The following HS6ST2 variants were observed in gnomAD, a reference collection of about 807,000 sequenced individuals.
HS6ST2 encodes heparan-sulfate 6-O-sulfotransferase 2.
A neutral mutation model predicts 33.0 loss-of-function variants in HS6ST2; 17 were observed. The observed-to-expected ratio is 0.52, with a 90% confidence interval of 0.35 to 0.77. The LOEUF is 0.77. Ranked by LOEUF, HS6ST2 falls within the 30% of genes least tolerant of loss-of-function variation. The probability of loss-of-function intolerance (pLI) is 0.01; values close to 1 mark genes in which losing one functional copy is unlikely to be tolerated. For missense variants in HS6ST2, 519 were observed against 551.7 expected, an observed-to-expected ratio of 0.94 and a Z score of 0.59; for synonymous variants, 248 against 237.1, an observed-to-expected ratio of 1.05 and a Z score of -0.42.
At chrX:132,787,174 TATATATATATATAC>T (rs1569490879) in intron 2 of HS6ST2, among the ~76,000 whole-genome samples, 9 of 81,845 alleles carry the variant, frequency 1.1e-4, no homozygotes, top group East Asian at 3.7e-4. Flanking sequence ...TATGTATATA[TATATATATATATAC>T]ATATATATAT....
chrX:132,896,712 T>C (rs2066380118), intron 2 of HS6ST2, among the ~76,000 whole-genome samples: 1 of 111,558 alleles, frequency 9.0e-6, no homozygotes, highest in Non-Finnish European at 1.9e-5. Flanking sequence ...ATCTACTATG[T>C]ACCCACAAAA....
chrX:132,923,062 CA>C (rs34136355), intron 2 of HS6ST2, among the ~76,000 whole-genome samples: 1,343 of 47,557 alleles, frequency 0.028, 14 homozygotes, highest in East Asian at 0.14. Context: ...GACTCTGTCT[CA>C]AAAAAAAAAA....
At chrX:132,686,397 C>A (rs1217427747) in intron 3 of HS6ST2, among the ~76,000 whole-genome samples, 1 of 112,046 alleles carries the variant, frequency 8.9e-6, no homozygotes, top group Non-Finnish European at 1.9e-5. Context: ...TTTTTCATCT[C>A]TGCTTGGGTT....
intron 2 of HS6ST2, among the ~76,000 whole-genome samples, chrX:132,790,330 T>C (rs1444786592): frequency 1.8e-5 from 2 of 112,037 alleles, no homozygotes; most frequent in East Asian, 5.6e-4. Context: ...AGCAGTAAAC[T>C]CTTTTTAAAT....
intron 3 of HS6ST2, among the ~76,000 whole-genome samples, chrX:132,691,875 C>G (rs2064067387): frequency 9.0e-6 from 1 of 111,729 alleles, no homozygotes; most frequent in South Asian, 3.8e-4. Flanking sequence ...TGACAAGGTA[C>G]AACATCATGA....
At chrX:132,771,582 T>A (rs1015877367) in intron 2 of HS6ST2, among the ~76,000 whole-genome samples, 2 of 111,676 alleles carry the variant, frequency 1.8e-5, no homozygotes, top group African/African-American at 3.3e-5. Flanking sequence ...TTTTAATTCT[T>A]CAATTAGGCT....
intron 2 of HS6ST2, among the ~76,000 whole-genome samples, chrX:132,719,204 G>T (rs2064305896): frequency 9.0e-6 from 1 of 111,505 alleles, no homozygotes; most frequent in Non-Finnish European, 1.9e-5. Flanking sequence ...AAGTTGGAAG[G>T]TACCCTTAAA....
chrX:132,958,113 C>T, intron 1 of HS6ST2, 62 bp downstream of exon 1: 30 of 1,040,252 alleles, frequency 2.9e-5, no homozygotes, highest in Non-Finnish European at 3.5e-5. Context: ...GCCTTCCCTC[C>T]CCGTACAGCA....
At chrX:132,670,650 A>T (rs2063862830) in intron 3 of HS6ST2, among the ~76,000 whole-genome samples, 1 of 111,442 alleles carries the variant, frequency 9.0e-6, no homozygotes, top group African/African-American at 3.3e-5. Context: ...ATACAAAAAT[A>T]AAAAATAAAA....
At chrX:132,639,412 G>T (rs1179474460) in intron 4 of HS6ST2, among the ~76,000 whole-genome samples, 2 of 111,503 alleles carry the variant, frequency 1.8e-5, no homozygotes, top group Admixed American at 9.6e-5. Context: ...AAATTATTTT[G>T]TGAGTCTTGG....
chrX:132,741,806 A>G (rs2064583448), intron 2 of HS6ST2, among the ~76,000 whole-genome samples: 1 of 111,196 alleles, frequency 9.0e-6, no homozygotes, highest in Admixed American at 9.6e-5. Context: ...TACTTATAAT[A>G]CTCATTAAGA....
At chrX:132,875,157 AAGG>A (rs1216811473) in intron 2 of HS6ST2, among the ~76,000 whole-genome samples, 2 of 112,059 alleles carry the variant, frequency 1.8e-5, no homozygotes, top group African/African-American at 6.5e-5. Context: ...GTAGCTGGGG[AAGG>A]AGTTCAGATT....
At chrX:132,799,644 A>C (rs190186801) in intron 2 of HS6ST2, among the ~76,000 whole-genome samples, 1 of 111,386 alleles carries the variant, frequency 9.0e-6, no homozygotes, top group Non-Finnish European at 1.9e-5. Flanking sequence ...AGCCTCCAAA[A>C]GTGCTAGGAT....
chrX:132,724,803 CAG>C (rs1211262721), intron 2 of HS6ST2, among the ~76,000 whole-genome samples: 2 of 111,824 alleles, frequency 1.8e-5, no homozygotes, highest in Non-Finnish European at 3.8e-5. Context: ...GGCATAAAAA[CAG>C]ACAGGTCAAT....
chrX:132,849,242 C>A (rs1040663176), intron 2 of HS6ST2, among the ~76,000 whole-genome samples: 4 of 110,877 alleles, frequency 3.6e-5, no homozygotes, highest in African/African-American at 1.3e-4. Flanking sequence ...TCCAGTCCCC[C>A]CAATGGCAAT....
intron 4 of HS6ST2, among the ~76,000 whole-genome samples, chrX:132,641,951 G>A (rs757738768): frequency 8.9e-6 from 1 of 112,073 alleles, no homozygotes; most frequent in Admixed American, 9.4e-5. Context: ...AGAGCTGAGG[G>A]GCCTGGGGGC....
intron 2 of HS6ST2, among the ~76,000 whole-genome samples, chrX:132,812,186 C>A (rs1461647812): frequency 9.2e-6 from 1 of 109,272 alleles, no homozygotes; most frequent in Non-Finnish European, 1.9e-5. Flanking sequence ...GTGGGCAGAT[C>A]ACGAGGTCAG....
chrX:132,758,327 T>C (rs2064776132), intron 2 of HS6ST2: 1 of 112,210 alleles, frequency 8.9e-6, no homozygotes, highest in South Asian at 3.8e-4. Flanking sequence ...GTGATTCTGC[T>C]GCAGGCTAAA....
chrX:132,752,450 T>C (rs1464654751), intron 2 of HS6ST2, among the ~76,000 whole-genome samples: 1 of 86,057 alleles, frequency 1.2e-5, no homozygotes, highest in East Asian at 3.5e-4. Context: ...CCAGCCTGGG[T>C]GACATAGTGA....
Sources: gnomAD v4.1 joint callset for allele counts (sites outside exome capture counted in the v4.1 genomes callset) on GRCh38, gnomAD v4.1.1 for gene constraint, MANE v1.5 for transcripts, NCBI Gene and HGNC (gene_info 2026-07-23, HGNC 2026-07-21) for gene names.